The following PLCL1 variants were observed in gnomAD, a reference collection of about 807,000 sequenced individuals.
The protein encoded by PLCL1 is phospholipase C like 1 (inactive).
In PLCL1, 41 loss-of-function variants were observed where a neutral mutation model predicts 84.4. That is an observed-to-expected ratio of 0.49 (90% CI 0.38 to 0.63). PLCL1 has a LOEUF of 0.63. PLCL1 is among the 30% of genes least tolerant of loss of function. PLCL1 has a pLI of 0.00. For missense variants in PLCL1, 1,206 were observed against 1,367.8 expected (o/e 0.88, Z 1.87); for synonymous variants, 490 against 488.3 (o/e 1.00, Z -0.05).
intron 1 of PLCL1, among the ~76,000 whole-genome samples, chr2:197,830,821 C>T (rs1322515839): frequency 6.6e-6 from 1 of 152,192 alleles, no homozygotes; most frequent in East Asian, 1.9e-4. Flanking sequence ...AACAGAGGAT[C>T]TCTCTGCAGA....
At position 198,027,244 on chromosome 2, in the gene PLCL1, A is replaced by G. The variant is rs151298013; in HGVS notation, c.241-56514A>G. On this transcript the variant is annotated intron_variant, in intron 1 of 5. Transcript: ENST00000428675. ...CCTGGAGGCAATTATGCTTAGTGAGATCAACCAGACTCAGAAGGACAAGTA... is the reference window on the plus strand; with the variant it reads ...CCTGGAGGCAATTATGCTTAGTGAGGTCAACCAGACTCAGAAGGACAAGTA... Among the ~76,000 whole-genome samples, 7 of 152,290 alleles carry G rather than the reference A, an allele frequency of 4.6e-5. No homozygotes were observed. In the East Asian group the frequency reaches 1.3e-3, roughly 29 times the overall value.
At chr2:197,983,190 C>CTTTTTTTTTTTT (rs1445206643) in intron 1 of PLCL1, among the ~76,000 whole-genome samples, 3 of 66,070 alleles carry the variant, frequency 4.5e-5, no homozygotes, top group African/African-American at 1.6e-4. Context: ...TTTTCTTTTT[C>CTTTTTTTTTTTT]TTTTCTTTTC....
intron 1 of PLCL1, among the ~76,000 whole-genome samples, chr2:197,995,193 C>T (rs2105815737): frequency 6.6e-6 from 1 of 152,224 alleles, no homozygotes; most frequent in East Asian, 1.9e-4. Flanking sequence ...TCATGTGCTA[C>T]CATTTTAGGT....
At chr2:198,053,131 A>G (rs144675964) in intron 1 of PLCL1, among the ~76,000 whole-genome samples, 2 of 152,298 alleles carry the variant, frequency 1.3e-5, no homozygotes, top group East Asian at 3.9e-4. Context: ...TCTTGAGGCC[A>G]TATTTCATTA....
At chr2:198,104,409 T>C (rs1290420633) in intron 5 of PLCL1, among the ~76,000 whole-genome samples, 1 of 152,070 alleles carries the variant, frequency 6.6e-6, no homozygotes, top group Non-Finnish European at 1.5e-5. Context: ...CTGTGGTGTA[T>C]ATGTACCACA....
chr2:197,909,328 C>CTT (rs796675884), intron 1 of PLCL1, among the ~76,000 whole-genome samples: 21 of 146,786 alleles, frequency 1.4e-4, no homozygotes, highest in Middle Eastern at 3.5e-3. Context: ...TTCTTTTTCT[C>CTT]TTTTTTTTTT....
intron 1 of PLCL1, among the ~76,000 whole-genome samples, chr2:198,010,837 A>G (rs1690852868): frequency 6.6e-6 from 1 of 151,284 alleles, no homozygotes; most frequent in Non-Finnish European, 1.5e-5. Context: ...TCTCCTCACT[A>G]GTTATAGATC....
At chr2:198,127,401 G>A (rs1050418334) in intron 5 of PLCL1, among the ~76,000 whole-genome samples, 3 of 152,204 alleles carry the variant, frequency 2.0e-5, no homozygotes, top group South Asian at 2.1e-4. Context: ...ATACATATAA[G>A]AGGTATGGCT....
intron 3 of PLCL1, among the ~76,000 whole-genome samples, chr2:198,097,783 T>G (rs776244556): frequency 1.7e-4 from 26 of 152,178 alleles, no homozygotes; most frequent in Middle Eastern, 3.2e-3. Flanking sequence ...GATGCATTAG[T>G]CCCAGGACAG....
intron 1 of PLCL1, among the ~76,000 whole-genome samples, chr2:197,866,896 AC>A (rs1456796090): frequency 1.3e-5 from 2 of 152,196 alleles, no homozygotes; most frequent in African/African-American, 4.8e-5. Context: ...ACCTGGATTA[AC>A]CCCATGGCGA....
Position 197,896,349 on chromosome 2 carries a change from T to C in PLCL1, c.240+91010T>C, listed in dbSNP as rs138656903. 2.0e-3 allele frequency among the ~76,000 whole-genome samples: 305 copies of C among 152,100 alleles called. 3 individuals carry two copies. The highest frequency in any genetic ancestry group is 3.6e-3 in the Non-Finnish European group (246 of 67,932). On this transcript the variant is annotated intron_variant, in intron 1 of 5. Coordinates refer to ENST00000428675, the MANE Select transcript of PLCL1 (RefSeq NM_006226.4). ...AAATATGCATAAGTAAGTAGAGTAG[T>C]ATAAATAAAAAACAAAGAGCATCCT...
At chr2:198,072,838 A>G (rs1692495442) in intron 1 of PLCL1, among the ~76,000 whole-genome samples, 1 of 152,088 alleles carries the variant, frequency 6.6e-6, no homozygotes, top group Non-Finnish European at 1.5e-5. Context: ...CTTTTTGAAG[A>G]ATATATTTCT....
intron 5 of PLCL1, among the ~76,000 whole-genome samples, chr2:198,122,119 G>A (rs887740941): frequency 6.6e-6 from 1 of 151,910 alleles, no homozygotes; most frequent in Non-Finnish European, 1.5e-5. Context: ...TTGATTTTTT[G>A]TTGTTACTCT....
chr2:198,075,820 A>G (rs1221060852), intron 1 of PLCL1, among the ~76,000 whole-genome samples: 1 of 152,232 alleles, frequency 6.6e-6, no homozygotes, highest in Non-Finnish European at 1.5e-5. Context: ...ACATTCATAC[A>G]TTAAAATTTA....
At chr2:198,025,559 C>A (rs1279943172) in intron 1 of PLCL1, among the ~76,000 whole-genome samples, 2 of 152,102 alleles carry the variant, frequency 1.3e-5, no homozygotes, top group Non-Finnish European at 2.9e-5. Flanking sequence ...ATCAGGTAAT[C>A]TGAATGTCTG....
chr2:197,987,304 A>G (rs1690238504), intron 1 of PLCL1, among the ~76,000 whole-genome samples: 1 of 152,230 alleles, frequency 6.6e-6, no homozygotes, highest in Non-Finnish European at 1.5e-5. Context: ...GCTGTTAAGT[A>G]ATATCACAAA....
chr2:198,061,084 G>A (rs1692187352), intron 1 of PLCL1, among the ~76,000 whole-genome samples: 3 of 152,100 alleles, frequency 2.0e-5, no homozygotes, highest in Admixed American at 2.0e-4. Context: ...GTAATGATTA[G>A]CAATGGAAAT....
chr2:197,965,994 G>A (rs1225726714), intron 1 of PLCL1, among the ~76,000 whole-genome samples: 9 of 152,066 alleles, frequency 5.9e-5, no homozygotes, highest in Non-Finnish European at 1.3e-4. Flanking sequence ...AGCAGATGAT[G>A]AATCCTGCCA....
chr2:198,085,554 C>T lies in PLCL1; in HGVS notation c.2037C>T (p.Asp679=), dbSNP rs771727809. 4 of 1,614,032 alleles carry T rather than the reference C, an allele frequency of 2.5e-6. No homozygotes were observed. The South Asian group carries it at 4.4e-5, about 18-fold the overall frequency. The change falls in exon 2 of 6, where the codon GAC becomes GAT. Residue 679 remains aspartate, a synonymous_variant. Transcript: ENST00000428675. This position sits in a 1 kb window ranked among gnomAD's most constrained non-coding sequence, Gnocchi z 5.3. ...MNFQTPGPMM[D]LHTGWFLQNG... ...TTCAGACTCCGGGTCCAATGATGGA[C>T]CTTCACACGGGCTGGTTTCTTCAAA...
Sources: allele counts gnomAD v4.1 joint callset (sites outside exome capture counted in the v4.1 genomes callset), GRCh38; gene constraint gnomAD v4.1.1; non-coding constraint Gnocchi (gnomAD v3.1); transcripts MANE v1.5; gene names NCBI Gene and HGNC (gene_info 2026-07-23, HGNC 2026-07-21).